Variants in STX17 observed in about 807,000 individuals in gnomAD.
The protein encoded by STX17 is syntaxin 17.
A neutral mutation model predicts 35.9 loss-of-function variants in STX17; 29 were observed. The ratio of observed to expected loss-of-function variants is 0.81; its 90% CI spans 0.60 to 1.10. STX17 has a LOEUF of 1.10. Among genes scored for constraint, STX17 ranks in the 50% least tolerant of loss-of-function variants. STX17 has a pLI of 0.00. For missense variants in STX17, 312 were observed against 352.3 expected, an observed-to-expected ratio of 0.89 and a Z score of 0.92; for synonymous variants, 92 against 118.3, an observed-to-expected ratio of 0.78 and a Z score of 1.44.
At chr9:99,922,156 A>G (rs959674274) in intron 2 of STX17, among the ~76,000 whole-genome samples, 3 of 152,198 alleles carry the variant, frequency 2.0e-5, no homozygotes, top group Admixed American at 6.5e-5. Context: ...CTTAAGGTTC[A>G]TAGATTTAAC....
chr9:99,942,454 A>G (rs76247429), intron 3 of STX17, among the ~76,000 whole-genome samples: 2 of 152,098 alleles, frequency 1.3e-5, no homozygotes, highest in East Asian at 3.9e-4. Context: ...AAGGTTATCA[A>G]TCTTATAGTT....
At chr9:99,909,569 G>A (rs1156514306) in intron 1 of STX17, among the ~76,000 whole-genome samples, 1 of 152,176 alleles carries the variant, frequency 6.6e-6, no homozygotes, top group Non-Finnish European at 1.5e-5. Flanking sequence ...CATTTAACAT[G>A]TAATAGCCTT....
chr9:99,956,358 GT>G (rs1829710668), intron 4 of STX17, among the ~76,000 whole-genome samples: 1 of 151,934 alleles, frequency 6.6e-6, no homozygotes, highest in Admixed American at 6.6e-5. Flanking sequence ...CTCTTTAATA[GT>G]ACATAAATTA....
intron 7 of STX17, 23 bp from the exon 8 acceptor site, chr9:99,968,411 T>C: frequency 2.6e-6 from 4 of 1,522,306 alleles, no homozygotes; most frequent in South Asian, 1.4e-5. Context: ...AGTTTCTAAA[T>C]TGAATTTTTT....
chr9:99,949,957 A>G (rs192273486), intron 3 of STX17, among the ~76,000 whole-genome samples: 5 of 151,586 alleles, frequency 3.3e-5, no homozygotes, highest in Non-Finnish European at 4.4e-5. Flanking sequence ...ACACACACAC[A>G]CACACACACT....
At chr9:99,965,787 G>T (rs1587943260) in intron 6 of STX17, among the ~76,000 whole-genome samples, 1 of 151,964 alleles carries the variant, frequency 6.6e-6, no homozygotes, top group African/African-American at 2.4e-5. Flanking sequence ...TATATTTTTT[G>T]ATAGAGAGAT....
chr9:99,967,584 A>C, intron 6 of STX17, 69 bp from the exon 7 acceptor site: 11 of 1,426,988 alleles, frequency 7.7e-6, no homozygotes, highest in Non-Finnish European at 9.8e-6. Context: ...TACAGGAATT[A>C]AAATAGTGTG....
At chr9:99,962,348 C>A (rs1829843914) in intron 6 of STX17, among the ~76,000 whole-genome samples, 1 of 152,196 alleles carries the variant, frequency 6.6e-6, no homozygotes, top group African/African-American at 2.4e-5. Context: ...CCCAAAATAT[C>A]TGTTGTTTCA....
At chr9:99,949,198 A>G (rs1829543516) in intron 3 of STX17, among the ~76,000 whole-genome samples, 1 of 152,052 alleles carries the variant, frequency 6.6e-6, no homozygotes, top group African/African-American at 2.4e-5. Flanking sequence ...CCTACATTTC[A>G]CATATTTTGA....
At chr9:99,963,928 A>G (rs1296735900) in intron 6 of STX17, among the ~76,000 whole-genome samples, 2 of 152,178 alleles carry the variant, frequency 1.3e-5, no homozygotes, top group African/African-American at 4.8e-5. Flanking sequence ...GAATAGCTCA[A>G]TGTGAACAGG....
chr9:99,937,596 T>A (rs1387015150), intron 3 of STX17, among the ~76,000 whole-genome samples: 2 of 152,220 alleles, frequency 1.3e-5, no homozygotes, highest in Non-Finnish European at 2.9e-5. Flanking sequence ...GAATTTTGAT[T>A]TGAGTCTTTT....
At chr9:99,922,134 TGG>T (rs1337327035) in intron 2 of STX17, among the ~76,000 whole-genome samples, 3 of 152,190 alleles carry the variant, frequency 2.0e-5, no homozygotes, top group Non-Finnish European at 4.4e-5. Context: ...TACACAGTAC[TGG>T]GCCACAGACC....
In STX17 at chr9:99,970,747, C is replaced by A. The variant is rs1033596500; in HGVS notation, c.*2074C>A. ...CTTCATCACTGCATATTACCCCACT[C>A]TTCCATCCCAAATTGGCTATCCTTT... is the stretch of plus-strand genomic sequence containing the variant. On this transcript the variant is annotated 3_prime_UTR_variant, in exon 8 of 8. Transcript: ENST00000259400. Among the ~76,000 whole-genome samples the A allele has an allele frequency of 6.6e-6, 1 of 152,248 alleles. No individual in the cohort carries two copies. Among genetic ancestry groups the A allele is most frequent in the Non-Finnish European group, 1.5e-5 (1 of 68,042 alleles).
At chr9:99,927,744 T>G (rs1240513138) in intron 2 of STX17, among the ~76,000 whole-genome samples, 1 of 152,236 alleles carries the variant, frequency 6.6e-6, no homozygotes, top group African/African-American at 2.4e-5. Context: ...CCCAAAGTGC[T>G]GGGATTATGG....
chr9:99,968,169 A>C (rs1829953942), intron 7 of STX17, among the ~76,000 whole-genome samples: 1 of 152,208 alleles, frequency 6.6e-6, no homozygotes, highest in African/African-American at 2.4e-5. Context: ...AGCCAGCTAG[A>C]TAGTTAGTGA....
chr9:99,911,154 G>T (rs1353298426), intron 1 of STX17, among the ~76,000 whole-genome samples: 6 of 151,952 alleles, frequency 3.9e-5, no homozygotes, highest in African/African-American at 9.7e-5. Flanking sequence ...TCCTGCCTCA[G>T]CCTCCGGAGC....
At chr9:99,958,035 T>G (rs567284215) in intron 4 of STX17, among the ~76,000 whole-genome samples, 72 of 152,308 alleles carry the variant, frequency 4.7e-4, no homozygotes, top group African/African-American at 1.6e-3. Context: ...AGTAACATAT[T>G]GATCTTTTGT....
chr9:99,938,637 A>C (rs1829286702), intron 3 of STX17, among the ~76,000 whole-genome samples: 1 of 152,064 alleles, frequency 6.6e-6, no homozygotes, highest in Admixed American at 6.5e-5. Flanking sequence ...ATACCAAAAA[A>C]TTAGCCAGGC....
intron 1 of STX17, 62 bp from the exon 2 acceptor site, chr9:99,915,116 T>C (rs1436538816): frequency 8.9e-7 from 1 of 1,121,592 alleles, no homozygotes; most frequent in East Asian, 2.9e-5. Flanking sequence ...AACTAATCGT[T>C]GGCTTTTAAA....
Sources: gnomAD v4.1 joint callset for allele counts (sites outside exome capture counted in the v4.1 genomes callset) on GRCh38, gnomAD v4.1.1 for gene constraint, MANE v1.5 for transcripts, NCBI Gene and HGNC (gene_info 2026-07-23, HGNC 2026-07-21) for gene names.